CRIM1: variants seen among roughly 807,000 people sequenced by gnomAD.
CRIM1 encodes cysteine-rich motor neuron 1 protein.
A neutral mutation model predicts 116.4 loss-of-function variants in CRIM1; 32 were observed. The ratio of observed to expected loss-of-function variants is 0.27; its 90% CI spans 0.21 to 0.37. CRIM1 has a LOEUF of 0.37. Among genes scored for constraint, CRIM1 ranks in the 10% least tolerant of loss-of-function variants. The pLI, the probability that CRIM1 is intolerant of heterozygous loss-of-function variation, is 1.00. For synonymous variants in CRIM1, 590 were observed against 509.2 expected (o/e 1.16, Z -2.13); for missense variants, 1,331 against 1,354.8 (o/e 0.98, Z 0.28).
intron 4 of CRIM1, among the ~76,000 whole-genome samples, chr2:36,442,953 C>T (rs1467697963): frequency 6.6e-6 from 1 of 152,086 alleles, no homozygotes; most frequent in Non-Finnish European, 1.5e-5. Flanking sequence ...CTTATAGATT[C>T]TTTCTGTAAG....
chr2:36,446,123 C>G (rs1159751956), intron 4 of CRIM1, among the ~76,000 whole-genome samples: 1 of 152,142 alleles, frequency 6.6e-6, no homozygotes, highest in African/African-American at 2.4e-5. Flanking sequence ...TAACAACTCC[C>G]TTTTTATAAG....
intron 1 of CRIM1, among the ~76,000 whole-genome samples, chr2:36,394,186 C>G (rs1671835918): frequency 1.3e-5 from 2 of 152,078 alleles, no homozygotes; most frequent in African/African-American, 4.8e-5. Context: ...ATAAAGATTT[C>G]CTCTTAAAAC....
intron 14 of CRIM1, among the ~76,000 whole-genome samples, chr2:36,541,211 C>G (rs1666921243): frequency 6.6e-6 from 1 of 152,114 alleles, no homozygotes; most frequent in Non-Finnish European, 1.5e-5. Context: ...ATAGCACATG[C>G]CACCTCCCAG....
intron 13 of CRIM1, among the ~76,000 whole-genome samples, chr2:36,524,827 T>G (rs1315902577): frequency 6.6e-6 from 1 of 152,254 alleles, no homozygotes; most frequent in African/African-American, 2.4e-5. Context: ...TTTATTTTTT[T>G]GCCTTCATAC....
At chr2:36,382,525 A>G (rs1670860700) in intron 1 of CRIM1, among the ~76,000 whole-genome samples, 2 of 152,236 alleles carry the variant, frequency 1.3e-5, no homozygotes, top group African/African-American at 4.8e-5. Flanking sequence ...CTCACAAGAC[A>G]TTATATGAAG....
chr2:36,400,283 T>C (rs1030337021), intron 2 of CRIM1, among the ~76,000 whole-genome samples: 3 of 152,114 alleles, frequency 2.0e-5, no homozygotes, highest in Non-Finnish European at 4.4e-5. Context: ...GAGAAAGTTA[T>C]TATTGGTTGT....
At chr2:36,408,750 A>G (rs1358806870) in intron 2 of CRIM1, among the ~76,000 whole-genome samples, 1 of 152,180 alleles carries the variant, frequency 6.6e-6, no homozygotes, top group Non-Finnish European at 1.5e-5. Flanking sequence ...GATTTTGGAC[A>G]ACTCAACCAA....
At chr2:36,499,449 C>A in intron 8 of CRIM1, 102 bp downstream of exon 8, 1 of 1,227,876 alleles carries the variant, frequency 8.1e-7, no homozygotes, top group Non-Finnish European at 1.1e-6. Context: ...TCAGACATTC[C>A]CTTGACAACC....
intron 13 of CRIM1, among the ~76,000 whole-genome samples, chr2:36,533,354 T>C (rs1221508008): frequency 7.1e-6 from 1 of 141,844 alleles, no homozygotes; most frequent in Non-Finnish European, 1.5e-5. Context: ...TTTGGGAGAC[T>C]AAGGCAGGTA....
chr2:36,548,325 A>T (rs1667500144), intron 16 of CRIM1, among the ~76,000 whole-genome samples, 200 bp from the exon 17 acceptor site: 1 of 140,814 alleles, frequency 7.1e-6, no homozygotes, highest in South Asian at 2.2e-4. Context: ...TTGACATTTC[A>T]CCTTAAAATA....
chr2:36,464,422 T>C, intron 4 of CRIM1, 112 bp from the exon 5 acceptor site: 1 of 1,069,390 alleles, frequency 9.4e-7, no homozygotes, highest in Admixed American at 1.8e-5. Context: ...AAGGAGGCAG[T>C]GTCGTATAGA....
At chr2:36,413,995 T>C (rs1673417305) in intron 2 of CRIM1, among the ~76,000 whole-genome samples, 1 of 152,234 alleles carries the variant, frequency 6.6e-6, no homozygotes, top group African/African-American at 2.4e-5. Context: ...GACATCTTCA[T>C]ATATTTGTGT....
At chr2:36,511,478 C>CT (rs770335989) in intron 9 of CRIM1, among the ~76,000 whole-genome samples, 27 of 152,184 alleles carry the variant, frequency 1.8e-4, no homozygotes, top group Non-Finnish European at 3.7e-4. Flanking sequence ...ATGTCTTAGC[C>CT]TAACTGCTCA....
At position 36,452,373 on chromosome 2, in the gene CRIM1, C is replaced by T. The variant is rs543051706; in HGVS notation, c.869+9638C>T. On this transcript the variant is annotated intron_variant, in intron 4 of 16. Coordinates refer to ENST00000280527, the MANE Select transcript of CRIM1 (RefSeq NM_016441.3). ...AAAAAATTTGGAAGTGTATTTGAAGCTCATCTTTCTCAACTAAGAAAAGAA... is the reference window on the plus strand; with the variant it reads ...AAAAAATTTGGAAGTGTATTTGAAGTTCATCTTTCTCAACTAAGAAAAGAA... Among the ~76,000 whole-genome samples the T allele has an allele frequency of 5.9e-5, 9 of 152,274 alleles. No homozygotes were observed. In the East Asian group the frequency reaches 1.7e-3, roughly 29 times the overall value.
At chr2:36,424,140 A>G (rs973988688) in intron 2 of CRIM1, among the ~76,000 whole-genome samples, 2 of 152,244 alleles carry the variant, frequency 1.3e-5, no homozygotes, top group Non-Finnish European at 2.9e-5. Context: ...TGGAAATCAC[A>G]TTTGGTCATG....
Position 36,510,035 on chromosome 2 carries a change from C to T in CRIM1, c.1554C>T (p.Phe518=), listed in dbSNP as rs201434329. The part of the protein sequence containing the change: ...RKQGCTLNCP[F]GFLTDAQNCE... ...AAGGCTGCACCTTGAACTGTCCCTT[C>T]GGTTTCCTTACTGATGCCCAAAACT... Residue 518 remains phenylalanine (F), a synonymous_variant, in exon 9 of 17, where the codon TTC becomes TTT. Transcript: ENST00000280527. 8 of 1,614,152 alleles carry T rather than the reference C, an allele frequency of 5.0e-6. No homozygotes were observed. The highest frequency in any genetic ancestry group is 2.7e-5 in the African/African-American group (2 of 75,056).
intron 1 of CRIM1, among the ~76,000 whole-genome samples, chr2:36,389,562 T>C (rs1173953701): frequency 1.3e-5 from 2 of 152,238 alleles, no homozygotes; most frequent in Non-Finnish European, 2.9e-5. Flanking sequence ...CTTTTTAATA[T>C]CTGCTATAGC....
intron 1 of CRIM1, among the ~76,000 whole-genome samples, chr2:36,374,220 C>T (rs1670148680): frequency 6.6e-6 from 1 of 152,160 alleles, no homozygotes; most frequent in Admixed American, 6.5e-5. Context: ...GACCGAAGCC[C>T]CTTATTAAAG....
At chr2:36,395,703 A>T (rs1004946876) in intron 1 of CRIM1, among the ~76,000 whole-genome samples, 3 of 152,114 alleles carry the variant, frequency 2.0e-5, no homozygotes, top group African/African-American at 7.2e-5. Context: ...CTTTGTATTC[A>T]GTTACCTCAG....
Sources: gnomAD v4.1 joint callset for allele counts (sites outside exome capture counted in the v4.1 genomes callset) on GRCh38, gnomAD v4.1.1 for gene constraint, MANE v1.5 for transcripts, NCBI Gene and HGNC (gene_info 2026-07-23, HGNC 2026-07-21) for gene names.